Variants in GRM8 observed in about 807,000 individuals in gnomAD.
The protein encoded by GRM8 is glutamate metabotropic receptor 8.
In GRM8, 47 loss-of-function variants were observed where a neutral mutation model predicts 87.2. That is an observed-to-expected ratio of 0.54 (90% CI 0.43 to 0.69). The LOEUF (loss-of-function observed/expected upper bound fraction) is 0.69, where lower values mean the gene tolerates loss of function less well. GRM8 is among the 30% of genes least tolerant of loss of function. The pLI, the probability that GRM8 is intolerant of heterozygous loss-of-function variation, is 0.00. For missense variants in GRM8, 1,019 were observed against 1,139.2 expected (o/e 0.89, Z 1.52); for synonymous variants, 396 against 404.5 (o/e 0.98, Z 0.25).
At chr7:126,636,595 C>T (rs774565056) in intron 7 of GRM8, among the ~76,000 whole-genome samples, 9 of 151,886 alleles carry the variant, frequency 5.9e-5, no homozygotes, top group Non-Finnish European at 1.3e-4. Context: ...TGGATACCAA[C>T]GATACAAAAG....
rs576287522 is a variant in GRM8, at chr7:126,708,012, A to T, written c.1357+61853T>A. Among the ~76,000 whole-genome samples the T allele has an allele frequency of 2.0e-5, 3 of 152,306 alleles. No individual in the cohort carries two copies. In the South Asian group the frequency reaches 6.2e-4, roughly 32 times the overall value. On this transcript the variant is annotated intron_variant, in intron 7 of 10. Coordinates refer to ENST00000339582, the MANE Select transcript of GRM8 (RefSeq NM_000845.3). ...ACCACATATCTAATATTCAAATTAT[A>T]TGAGAAATTCATACAACTAAATAGT...
intron 7 of GRM8, among the ~76,000 whole-genome samples, chr7:126,703,387 T>A (rs1374487323): frequency 3.3e-5 from 5 of 152,128 alleles, no homozygotes; most frequent in Admixed American, 3.3e-4. Context: ...GTTGCACAAG[T>A]CAAAGTTGAG....
intron 6 of GRM8, among the ~76,000 whole-genome samples, chr7:126,835,015 T>A (rs1158293912): frequency 6.6e-6 from 1 of 150,404 alleles, no homozygotes; most frequent in African/African-American, 2.5e-5. Context: ...GGTTGAGGCT[T>A]CAGTGAGCCA....
rs116305202 is a variant in GRM8, at chr7:126,547,849, G to A, written c.1495-13962C>T. ...TATCTTGCAGAAATGTCAGAATCCC[G>A]AGAACAAATAGATCATAAAAGATTC... is the stretch of plus-strand genomic sequence containing the variant. On this transcript the variant is annotated intron_variant, in intron 8 of 10. Transcript: ENST00000339582. 9.6e-3 allele frequency among the ~76,000 whole-genome samples: 1,444 copies of A among 151,202 alleles called. 19 individuals are homozygous for A. The highest frequency in any genetic ancestry group is 0.033 in the African/African-American group (1,371 of 41,172).
chr7:126,544,798 G>A (rs914359978), intron 8 of GRM8, among the ~76,000 whole-genome samples: 4 of 152,032 alleles, frequency 2.6e-5, no homozygotes, highest in East Asian at 1.9e-4. Context: ...ATGAGCCACC[G>A]CACCTGGCCT....
chr7:127,015,066 A>AGAAGAAGAAGAG lies in GRM8; in HGVS notation c.727+91429_727+91430insCTCTTCTTCTTC, dbSNP rs1454124629. Among the ~76,000 whole-genome samples, 155 of 104,506 alleles carry AGAAGAAGAAGAG rather than the reference A, an allele frequency of 1.5e-3. 1 individual carries two copies. Among genetic ancestry groups the AGAAGAAGAAGAG allele is most frequent in the African/African-American group, 4.5e-3 (147 of 32,768 alleles). 68.6% of individuals were successfully genotyped at this position (104,506 alleles called of 152,430 possible). A position where few individuals can be genotyped will look rare whatever the true frequency, so the allele number is the denominator to read the frequency against. On this transcript the variant is annotated intron_variant, in intron 3 of 10. Coordinates refer to ENST00000339582, the MANE Select transcript of GRM8 (RefSeq NM_000845.3). The stretch of plus-strand genomic sequence containing the variant: ...AAGAAGAAGAAGAAGAAGAAGAAGA[A>AGAAGAAGAAGAG]GAAAGAAAGAAGGAGAAGAAGGAGA...
At position 126,778,325 on chromosome 7, in the gene GRM8, T is replaced by G. The variant is rs199518123; in HGVS notation, c.1157-8260A>C. Reference sequence around the variant, plus strand: ...AGTTCACAATAACATCTCTCCTTTGTGCCTGGCAGGAAATAGAAAGTGCTT... The same window carrying G: ...AGTTCACAATAACATCTCTCCTTTGGGCCTGGCAGGAAATAGAAAGTGCTT... On this transcript the variant is annotated intron_variant, in intron 6 of 10. Transcript: ENST00000339582. Among the ~76,000 whole-genome samples the G allele has an allele frequency of 3.9e-5, 6 of 152,306 alleles. No individual in the cohort carries two copies. The East Asian group carries it at 1.2e-3, about 29-fold the overall frequency.
At chr7:127,115,089 C>T (rs1181843639) in intron 2 of GRM8, among the ~76,000 whole-genome samples, 9 of 152,110 alleles carry the variant, frequency 5.9e-5, no homozygotes, top group Non-Finnish European at 2.9e-5. Context: ...CCCCTGGCAA[C>T]CTCAAAAGGA....
At chr7:126,741,626 CA>C (rs1418799265) in intron 7 of GRM8, among the ~76,000 whole-genome samples, 1 of 152,058 alleles carries the variant, frequency 6.6e-6, no homozygotes, top group Non-Finnish European at 1.5e-5. Context: ...ATGACAAGAA[CA>C]AAAGTTCTGA....
chr7:126,781,176 C>T (rs995449885), intron 6 of GRM8, among the ~76,000 whole-genome samples: 4 of 152,112 alleles, frequency 2.6e-5, no homozygotes, highest in African/African-American at 9.7e-5. Flanking sequence ...TGCACATTTA[C>T]CTAATGCATG....
chr7:127,197,340 A>G (rs996610677), intron 2 of GRM8, among the ~76,000 whole-genome samples: 1 of 152,214 alleles, frequency 6.6e-6, no homozygotes, highest in African/African-American at 2.4e-5. Flanking sequence ...ACAGATAGAC[A>G]ATTGTCAAAG....
chr7:126,992,284 G>GA (rs1355271634), intron 3 of GRM8, among the ~76,000 whole-genome samples: 1 of 151,918 alleles, frequency 6.6e-6, no homozygotes, highest in Non-Finnish European at 1.5e-5. Context: ...AAAGCAAAAA[G>GA]AAAAAATGAC....
At chr7:127,022,983 G>C (rs1201068844) in intron 3 of GRM8, among the ~76,000 whole-genome samples, 1 of 151,998 alleles carries the variant, frequency 6.6e-6, no homozygotes. Context: ...AATTAGAGTA[G>C]GTGACTTTCT....
rs541039198 is a variant in GRM8, at chr7:126,553,684, G to A, written c.1495-19797C>T. ...TGGTAGTAATCTGAACTTAGACTCA[G>A]ATATTGAATGCTTAGAGGCTAACCT... On this transcript the variant is annotated intron_variant, in intron 8 of 10. Coordinates refer to ENST00000339582, the MANE Select transcript of GRM8 (RefSeq NM_000845.3). Among the ~76,000 whole-genome samples, 186 of 152,210 alleles carry A rather than the reference G, an allele frequency of 1.2e-3. 1 individual carries two copies. The highest frequency in any genetic ancestry group is 4.3e-3 in the African/African-American group (178 of 41,528).
At position 127,186,652 on chromosome 7, in the gene GRM8, T is replaced by C. The variant is rs562122532; in HGVS notation, c.510+56043A>G. Among the ~76,000 whole-genome samples, 3 of 152,292 alleles carry C rather than the reference T, an allele frequency of 2.0e-5. No individual in the cohort carries two copies. In the East Asian group the frequency reaches 5.8e-4, roughly 29 times the overall value. On this transcript the variant is annotated intron_variant, in intron 2 of 10. Transcript: ENST00000339582. ...CCTTAGTTTATTTCTCTTCATCTGT[T>C]ACCTACCTAAACTCTTACTGATAAA...
chr7:126,901,203 A>G (rs1188519292), intron 6 of GRM8, among the ~76,000 whole-genome samples: 1 of 152,044 alleles, frequency 6.6e-6, no homozygotes, highest in East Asian at 1.9e-4. Flanking sequence ...CTTGTCATGC[A>G]TTCCTGTCAT....
At chr7:127,037,541 G>A (rs928560809) in intron 3 of GRM8, among the ~76,000 whole-genome samples, 2 of 152,120 alleles carry the variant, frequency 1.3e-5, no homozygotes, top group African/African-American at 4.8e-5. Flanking sequence ...TGGCATTCTG[G>A]ACACTCATCT....
At chr7:127,077,156 A>G (rs1249541706) in intron 3 of GRM8, among the ~76,000 whole-genome samples, 1 of 152,060 alleles carries the variant, frequency 6.6e-6, no homozygotes, top group African/African-American at 2.4e-5. Context: ...ATGTGTCTGT[A>G]TCTGTGCTGA....
chr7:126,934,334 C>T (rs1422861969), intron 3 of GRM8, among the ~76,000 whole-genome samples: 2 of 152,168 alleles, frequency 1.3e-5, no homozygotes, highest in African/African-American at 2.4e-5. Flanking sequence ...TGGGTCTCCA[C>T]AGCATGCTTA....
Sources: gnomAD v4.1 joint callset for allele counts (sites outside exome capture counted in the v4.1 genomes callset) on GRCh38, gnomAD v4.1.1 for gene constraint, MANE v1.5 for transcripts, NCBI Gene and HGNC (gene_info 2026-07-23, HGNC 2026-07-21) for gene names.